Variants in BABAM2 observed in about 807,000 individuals in gnomAD.
The protein encoded by BABAM2 is BRISC and BRCA1 A complex member 2.
BABAM2 carries 31 observed loss-of-function variants against 54.7 expected under a neutral mutation model. The observed-to-expected ratio is 0.57, with a 90% confidence interval of 0.43 to 0.77. The LOEUF (loss-of-function observed/expected upper bound fraction) is 0.77. BABAM2 is among the 30% of genes least tolerant of loss of function. BABAM2 has a pLI of 0.00. For missense variants in BABAM2, 364 were observed against 455.8 expected (o/e 0.80, Z 1.83); for synonymous variants, 167 against 162.9 (o/e 1.03, Z -0.19).
intron 7 of BABAM2, among the ~76,000 whole-genome samples, chr2:28,196,077 C>T (rs1157376336): frequency 6.6e-6 from 1 of 152,160 alleles, no homozygotes; most frequent in Non-Finnish European, 1.5e-5. Context: ...CCTGTAATCC[C>T]AGCACTTTGG....
intron 7 of BABAM2, among the ~76,000 whole-genome samples, chr2:28,131,054 TA>T (rs1351134155): frequency 9.0e-5 from 1 of 11,056 alleles, no homozygotes; most frequent in Non-Finnish European, 2.1e-4. Context: ...AAGAGTGTTT[TA>T]TTATTATTAT....
At chr2:28,112,223 C>T (rs962991680) in intron 6 of BABAM2, among the ~76,000 whole-genome samples, 17 of 124,544 alleles carry the variant, frequency 1.4e-4, no homozygotes, top group African/African-American at 2.4e-4. Flanking sequence ...TCCTTCCTTC[C>T]TTCCTTTAAG....
At position 28,040,294 on chromosome 2, in the gene BABAM2, C is replaced by CTTTTTTTTTTTTTTTTTTTTTTTT. The variant is rs397735161; in HGVS notation, c.496-5430_496-5407dup. Among the ~76,000 whole-genome samples the CTTTTTTTTTTTTTTTTTTTTTTTT allele has an allele frequency of 1.1e-3, 64 of 59,490 alleles. 12 individuals are homozygous for CTTTTTTTTTTTTTTTTTTTTTTTT. The highest frequency in any genetic ancestry group is 2.8e-3 in the East Asian group (5 of 1,790). The allele number at this position is 59,490 out of a possible 152,430, so 39.0% of individuals were successfully genotyped here. ...CAGTGCCAGAATGAAAAACTGAATTCTTTTTTTTTTTTTTTTTTTTTTTTG... is the reference window on the plus strand; with the variant it reads ...CAGTGCCAGAATGAAAAACTGAATTCTTTTTTTTTTTTTTTTTTTTTTTTTTTTTTTTTTTTTTTTTTTTTTTTG... On this transcript the variant is annotated intron_variant, in intron 5 of 11. Coordinates refer to ENST00000379624, the MANE Select transcript of BABAM2 (RefSeq NM_199191.3).
intron 7 of BABAM2, among the ~76,000 whole-genome samples, chr2:28,139,049 A>C (rs1236808662): frequency 3.9e-5 from 6 of 152,162 alleles, no homozygotes; most frequent in African/African-American, 1.2e-4. Context: ...CATGTGCCCC[A>C]GATACCCAAG....
Position 28,237,287 on chromosome 2 carries a change from C to T in BABAM2, c.766C>T (p.Leu256=), listed in dbSNP as rs139141828. The T allele has an allele frequency of 6.2e-6, 10 of 1,613,438 alleles. No homozygotes were observed. The highest frequency in any genetic ancestry group is 2.7e-5 in the African/African-American group (2 of 75,012). Reference sequence around the variant, plus strand: ...TGATTACGTTCCTCAAGTATGCCACCTGCTCACCAACAAGGTAAAAGCAAG... The same window carrying T: ...TGATTACGTTCCTCAAGTATGCCACTTGCTCACCAACAAGGTAAAAGCAAG... ...LIDYVPQVCH[L]LTNKVQYVIQ... Residue 256 remains leucine, a synonymous_variant, in exon 8 of 12, where the codon CTG becomes TTG. Coordinates refer to ENST00000379624, the MANE Select transcript of BABAM2 (RefSeq NM_199191.3).
intron 5 of BABAM2, among the ~76,000 whole-genome samples, chr2:28,037,652 G>C (rs1056061776): frequency 7.9e-5 from 12 of 152,140 alleles, no homozygotes; most frequent in African/African-American, 2.7e-4. Context: ...GTTTATACAG[G>C]TTTATTAAAC....
At chr2:28,068,817 T>G (rs375935199) in intron 6 of BABAM2, among the ~76,000 whole-genome samples, 1 of 152,136 alleles carries the variant, frequency 6.6e-6, no homozygotes, top group African/African-American at 2.4e-5. Context: ...TTTTAGTGAA[T>G]AGCAACCCAA....
chr2:28,152,390 C>A (rs1004861933), intron 7 of BABAM2, among the ~76,000 whole-genome samples: 7 of 152,194 alleles, frequency 4.6e-5, no homozygotes, highest in Non-Finnish European at 8.8e-5. Flanking sequence ...CTAGGTCAAC[C>A]CTTTCCCAGG....
At chr2:28,013,267 G>T (rs1338467276) in intron 4 of BABAM2, 1 of 431,988 alleles carries the variant, frequency 2.3e-6, no homozygotes, top group Non-Finnish European at 4.7e-6. Flanking sequence ...GCACAAAATT[G>T]AGATGATAAA....
intron 7 of BABAM2, among the ~76,000 whole-genome samples, chr2:28,142,038 A>G (rs926130886): frequency 6.6e-6 from 1 of 150,776 alleles, no homozygotes; most frequent in Non-Finnish European, 1.5e-5. Context: ...TAAAATTCAT[A>G]TATGAAGTGG....
At chr2:28,203,870 CT>C (rs1678540452) in intron 7 of BABAM2, among the ~76,000 whole-genome samples, 2 of 152,194 alleles carry the variant, frequency 1.3e-5, no homozygotes, top group African/African-American at 4.8e-5. Flanking sequence ...CCTTAGAGCA[CT>C]GCCAGATTGC....
chr2:28,202,960 AC>A (rs977755527), intron 7 of BABAM2, among the ~76,000 whole-genome samples: 5 of 151,372 alleles, frequency 3.3e-5, no homozygotes, highest in African/African-American at 9.7e-5. Flanking sequence ...TGTGTCCTCC[AC>A]CCCCCCACAG....
Position 28,003,008 on chromosome 2 carries a change from A to G in BABAM2, c.300+14921A>G, listed in dbSNP as rs1423000310. 2.5e-4 allele frequency among the ~76,000 whole-genome samples: 38 copies of G among 152,120 alleles called. 1 individual carries two copies. Among genetic ancestry groups the G allele is most frequent in the Admixed American group, 2.4e-3 (37 of 15,270 alleles). On this transcript the variant is annotated intron_variant, in intron 4 of 11. Transcript: ENST00000379624. ...AGCTAAAGAGGGTATAAAATTATAA[A>G]TCATCTAGAGGGTGTTTTAGCTAGA...
intron 10 of BABAM2, among the ~76,000 whole-genome samples, chr2:28,258,082 C>A (rs1468041162): frequency 1.3e-5 from 2 of 151,820 alleles, no homozygotes; most frequent in African/African-American, 4.8e-5. Flanking sequence ...GAGGCTGAGG[C>A]AGGAGAAACG....
intron 6 of BABAM2, among the ~76,000 whole-genome samples, chr2:28,104,791 A>G (rs1306856866): frequency 6.6e-6 from 1 of 152,294 alleles, no homozygotes; most frequent in Non-Finnish European, 1.5e-5. Context: ...AACCAACCCA[A>G]ATGTCCATCA....
chr2:28,271,755 T>A lies in BABAM2; in HGVS notation c.935-26583T>A, dbSNP rs74828504. Among the ~76,000 whole-genome samples the A allele has an allele frequency of 7.3e-3, 1,114 of 152,336 alleles. 10 individuals carry two copies. The highest frequency in any genetic ancestry group is 0.025 in the African/African-American group (1,058 of 41,580). ...ATGGTACAATACAGAAAGACTCTGC[T>A]TATCAGTTTCAAAATTGTACATTTA... On this transcript the variant is annotated intron_variant, in intron 10 of 11. Coordinates refer to ENST00000379624, the MANE Select transcript of BABAM2 (RefSeq NM_199191.3).
chr2:28,028,274 G>A lies in BABAM2; in HGVS notation c.495+2854G>A, dbSNP rs548881903. Among the ~76,000 whole-genome samples the A allele has an allele frequency of 1.8e-4, 27 of 152,248 alleles. 2 individuals carry two copies. In the South Asian group the frequency reaches 5.6e-3, roughly 32 times the overall value. ...GCAAGCAAGTAGGGGAGAGCAAGAA[G>A]GAGTGTGTGAGCAAGATAGAAGTCA... On this transcript the variant is annotated intron_variant, in intron 5 of 11. Coordinates refer to ENST00000379624, the MANE Select transcript of BABAM2 (RefSeq NM_199191.3).
At chr2:28,205,738 T>G (rs1165847153) in intron 7 of BABAM2, among the ~76,000 whole-genome samples, 2 of 152,168 alleles carry the variant, frequency 1.3e-5, no homozygotes, top group Non-Finnish European at 2.9e-5. Context: ...TAACTTTGCT[T>G]GTTTTAATTA....
chr2:28,011,625 A>G (rs1357424649), intron 4 of BABAM2, among the ~76,000 whole-genome samples: 4 of 152,208 alleles, frequency 2.6e-5, no homozygotes, highest in South Asian at 4.1e-4. Context: ...CCAGGGGCCT[A>G]TTCTCACTAG....
Sources: gnomAD v4.1 joint callset for allele counts (sites outside exome capture counted in the v4.1 genomes callset) on GRCh38, gnomAD v4.1.1 for gene constraint, MANE v1.5 for transcripts, NCBI Gene and HGNC (gene_info 2026-07-23, HGNC 2026-07-21) for gene names.